The following FAM167A variants were observed in gnomAD, a reference collection of about 807,000 sequenced individuals.
FAM167A encodes the protein family with sequence similarity 167 member A, also known as protein FAM167A.
In FAM167A, 23 loss-of-function variants were observed where a neutral mutation model predicts 14.9. The observed-to-expected ratio is 1.55, with a 90% CI of 1.11 to 2.19. The LOEUF (loss-of-function observed/expected upper bound fraction) is 2.19, where lower values mean the gene tolerates loss of function less well. Among genes scored for constraint, FAM167A ranks in the 30% most tolerant of loss-of-function variants. The pLI is 0.00. For synonymous variants in FAM167A, 174 were observed against 117.7 expected, an observed-to-expected ratio of 1.48 and a Z score of -3.10; for missense variants, 401 against 281.5, an observed-to-expected ratio of 1.42 and a Z score of -3.04.
chr8:11,444,972 T>TG (rs1563377306), intron 1 of FAM167A, 164 bp from the exon 2 acceptor site: 1 of 658,040 alleles, frequency 1.5e-6, no homozygotes, highest in Non-Finnish European at 1.9e-6. Context: ...ATGCCTTAAT[T>TG]CAATGCAGAG....
intron 2 of FAM167A, chr8:11,435,063 C>G (rs1388816697): frequency 2.2e-6 from 1 of 456,902 alleles, no homozygotes; most frequent in Admixed American, 2.3e-5. Context: ...ACTCAAGAGG[C>G]TGATGGGCAG....
chr8:11,463,315 G>A (rs760274692), intron 1 of FAM167A, among the ~76,000 whole-genome samples: 3 of 152,240 alleles, frequency 2.0e-5, no homozygotes, highest in Non-Finnish European at 2.9e-5. Flanking sequence ...GGCGAAGTGC[G>A]TGGAGCTGAT....
intron 1 of FAM167A, among the ~76,000 whole-genome samples, chr8:11,448,103 A>T (rs1176791295): frequency 6.6e-6 from 1 of 151,902 alleles, no homozygotes; most frequent in African/African-American, 2.4e-5. Context: ...CTGGGGCAGG[A>T]GAATCGCTTG....
At chr8:11,430,056 G>A (rs545612830) in intron 2 of FAM167A, among the ~76,000 whole-genome samples, 1 of 152,270 alleles carries the variant, frequency 6.6e-6, no homozygotes, top group African/African-American at 2.4e-5. Flanking sequence ...TGAAAAGCTG[G>A]CCAGGGTGAC....
intron 2 of FAM167A, among the ~76,000 whole-genome samples, chr8:11,424,909 C>A (rs1163667204): frequency 6.6e-6 from 1 of 152,162 alleles, no homozygotes. Context: ...GAAGATACTT[C>A]CAGTGCTTTC....
chr8:11,448,634 C>T (rs62491584), intron 1 of FAM167A, among the ~76,000 whole-genome samples: 1 of 152,222 alleles, frequency 6.6e-6, no homozygotes, highest in Admixed American at 6.5e-5. Flanking sequence ...ATTTTCAGGT[C>T]TCAAAACTTA....
intron 1 of FAM167A, among the ~76,000 whole-genome samples, chr8:11,475,048 A>G (rs1472476552): frequency 6.6e-6 from 1 of 152,094 alleles, no homozygotes; most frequent in Non-Finnish European, 1.5e-5. Flanking sequence ...AGAATAAACA[A>G]ATGAGCAGGA....
intron 1 of FAM167A, among the ~76,000 whole-genome samples, chr8:11,464,495 T>C (rs1452326369): frequency 6.6e-6 from 1 of 152,028 alleles, no homozygotes; most frequent in African/African-American, 2.4e-5. Flanking sequence ...CCCCTCAAGG[T>C]CTGTTTCAGT....
intron 2 of FAM167A, among the ~76,000 whole-genome samples, chr8:11,441,042 C>A (rs546742849): frequency 6.6e-6 from 1 of 152,206 alleles, no homozygotes; most frequent in Non-Finnish European, 1.5e-5. Flanking sequence ...CAGCAGCAGG[C>A]GGAACTGCAC....
chr8:11,472,568 G>A (rs1036889260), upstream of FAM167A, among the ~76,000 whole-genome samples: 4 of 151,504 alleles, frequency 2.6e-5, no homozygotes, highest in Non-Finnish European at 4.4e-5. Context: ...AGCATTTGAA[G>A]GGCACCAGAA....
intron 2 of FAM167A, among the ~76,000 whole-genome samples, chr8:11,440,616 G>A (rs1345258349): frequency 3.9e-5 from 6 of 152,230 alleles, no homozygotes; most frequent in Non-Finnish European, 7.3e-5. Context: ...GTGGTCAGAG[G>A]ACAGGTTAGA....
At chr8:11,452,604 C>T (rs1341342837) in intron 1 of FAM167A, among the ~76,000 whole-genome samples, 2 of 152,210 alleles carry the variant, frequency 1.3e-5, no homozygotes, top group African/African-American at 2.4e-5. Context: ...CTCCACCCCA[C>T]GAGGTTGCCT....
chr8:11,455,628 C>T (rs1276932423), intron 1 of FAM167A, among the ~76,000 whole-genome samples: 6 of 99,750 alleles, frequency 6.0e-5, no homozygotes, highest in South Asian at 3.9e-4. Flanking sequence ...AGGGTGGTTG[C>T]TCTGCTGGGT....
At chr8:11,443,998 C>A in intron 2 of FAM167A, 33 bp downstream of exon 2, 1 of 1,584,742 alleles carries the variant, frequency 6.3e-7, no homozygotes, top group Non-Finnish European at 8.6e-7. Flanking sequence ...GGCATCTCCT[C>A]TTTTCTGGGG....
At chr8:11,473,323 T>C (rs1808019643) in intron 1 of FAM167A, among the ~76,000 whole-genome samples, 1 of 151,996 alleles carries the variant, frequency 6.6e-6, no homozygotes, top group African/African-American at 2.4e-5. Context: ...GATCATTCTG[T>C]CATCAGGAAG....
intron 1 of FAM167A, among the ~76,000 whole-genome samples, chr8:11,475,642 A>G (rs1407454777): frequency 6.6e-6 from 1 of 152,158 alleles, no homozygotes; most frequent in African/African-American, 2.4e-5. Flanking sequence ...CACCCCACAC[A>G]AGCACACCCA....
chr8:11,443,911 T>C, intron 2 of FAM167A, 120 bp downstream of exon 2: 2 of 1,246,078 alleles, frequency 1.6e-6, no homozygotes, highest in African/African-American at 1.6e-5. Context: ...ACTTGGGGGT[T>C]AGAGAGAGGG....
intron 1 of FAM167A, among the ~76,000 whole-genome samples, chr8:11,446,053 T>C (rs1040145439): frequency 7.7e-4 from 108 of 139,382 alleles, no homozygotes; most frequent in Admixed American, 5.0e-3. Flanking sequence ...GGAATAGCCA[T>C]AGTCATGATT....
chr8:11,466,111 C>A (rs943038657), intron 1 of FAM167A, among the ~76,000 whole-genome samples: 2 of 152,150 alleles, frequency 1.3e-5, no homozygotes, highest in African/African-American at 2.4e-5. Flanking sequence ...TGCGGCTGTG[C>A]CGTTCCCTCA....
Sources: gnomAD v4.1 joint callset for allele counts (sites outside exome capture counted in the v4.1 genomes callset) on GRCh38, gnomAD v4.1.1 for gene constraint, MANE v1.5 for transcripts, NCBI Gene and HGNC (gene_info 2026-07-23, HGNC 2026-07-21) for gene names.